Variants in EMB observed in about 807,000 individuals in gnomAD.
The protein encoded by EMB is embigin homolog.
A neutral mutation model predicts 41.4 loss-of-function variants in EMB; 31 were observed. The ratio of observed to expected loss-of-function variants is 0.75; its 90% CI spans 0.56 to 1.01. EMB has a LOEUF of 1.01. Among genes scored for constraint, EMB ranks in the 50% least tolerant of loss-of-function variants. The probability of loss-of-function intolerance (pLI) is 0.00; values close to 1 mark genes in which losing one functional copy is unlikely to be tolerated. For missense variants in EMB, 379 were observed against 388.3 expected (o/e 0.98, Z 0.20); for synonymous variants, 137 against 140.4 (o/e 0.98, Z 0.17).
At chr5:50,441,303 G>A, upstream of EMB, 1 of 417,300 alleles carries the variant, frequency 2.4e-6, no homozygotes, top group Non-Finnish European at 4.1e-6. Flanking sequence ...AATGGGAGGG[G>A]CCCGGCCGCC....
At chr5:50,429,529 G>T (rs1340431903) in intron 1 of EMB, among the ~76,000 whole-genome samples, 2 of 152,040 alleles carry the variant, frequency 1.3e-5, no homozygotes, top group Non-Finnish European at 2.9e-5. Flanking sequence ...AACGTACCTA[G>T]CAGAACCTAA....
chr5:50,427,512 T>A (rs1158372958), intron 2 of EMB, among the ~76,000 whole-genome samples: 17 of 150,318 alleles, frequency 1.1e-4, no homozygotes, highest in Admixed American at 1.1e-3. Context: ...ATTATTATAT[T>A]ATTATTATTA....
Position 50,441,164 on chromosome 5 carries a change from T to A in EMB, c.-13A>T. 1 of 1,444,300 alleles carries A rather than the reference T, an allele frequency of 6.9e-7. No individual in the cohort carries two copies. Among genetic ancestry groups the A allele is most frequent in the Non-Finnish European group, 9.1e-7 (1 of 1,092,902 alleles). The allele number at this position is 1,444,300 out of a possible 1,614,324, so 89.5% of individuals were successfully genotyped here. ...GGAGGGCGCGCATGGCGCCAGAGGGTCCGCCTGGGTCCTCGTGGAGACTGC... is the reference window on the plus strand; with the variant it reads ...GGAGGGCGCGCATGGCGCCAGAGGGACCGCCTGGGTCCTCGTGGAGACTGC... On this transcript the variant is annotated 5_prime_UTR_variant, in exon 1 of 9. Transcript: ENST00000303221.
intron 2 of EMB, among the ~76,000 whole-genome samples, chr5:50,424,026 C>T (rs1645933998): frequency 6.6e-6 from 1 of 152,194 alleles, no homozygotes; most frequent in East Asian, 1.9e-4. Context: ...GTTTTCAGTT[C>T]CAACTCTCCT....
chr5:50,441,162 G>T lies in EMB; in HGVS notation c.-11C>A, dbSNP rs1422497158. 1 of 1,445,918 alleles carries T rather than the reference G, an allele frequency of 6.9e-7. No homozygotes were observed. Among genetic ancestry groups the T allele is most frequent in the South Asian group, 1.3e-5 (1 of 74,880 alleles). The allele number at this position is 1,445,918 out of a possible 1,614,324, so 89.6% of individuals were successfully genotyped here. Reference sequence around the variant, plus strand: ...GGGGAGGGCGCGCATGGCGCCAGAGGGTCCGCCTGGGTCCTCGTGGAGACT... The same window carrying T: ...GGGGAGGGCGCGCATGGCGCCAGAGTGTCCGCCTGGGTCCTCGTGGAGACT... On this transcript the variant is annotated 5_prime_UTR_variant, in exon 1 of 9. Coordinates refer to ENST00000303221, the MANE Select transcript of EMB (RefSeq NM_198449.3).
chr5:50,414,955 T>A (rs373716642), intron 2 of EMB, among the ~76,000 whole-genome samples: 1 of 152,312 alleles, frequency 6.6e-6, no homozygotes, highest in East Asian at 1.9e-4. Flanking sequence ...GATTCAACTA[T>A]TAACTCTAAT....
chr5:50,416,473 C>T (rs1158398394), intron 2 of EMB, among the ~76,000 whole-genome samples: 1 of 152,108 alleles, frequency 6.6e-6, no homozygotes, highest in Non-Finnish European at 1.5e-5. Flanking sequence ...ATCTTGTAAA[C>T]CATTTCACTA....
upstream of EMB, among the ~76,000 whole-genome samples, chr5:50,442,736 CT>C (rs1745935273): frequency 6.6e-6 from 1 of 152,190 alleles, no homozygotes; most frequent in African/African-American, 2.4e-5. Flanking sequence ...CATCACACCT[CT>C]TTCTTTCAAC....
In EMB at chr5:50,397,895, T is replaced by G. The variant is rs985168088; in HGVS notation, c.*1378A>C. ...GCAGCTTCCAAGTCACTACCTTATGTGTATTATTCATACTAGTAATATTGG... is the reference window on the plus strand; with the variant it reads ...GCAGCTTCCAAGTCACTACCTTATGGGTATTATTCATACTAGTAATATTGG... On this transcript the variant is annotated 3_prime_UTR_variant, in exon 9 of 9. Transcript: ENST00000303221. 34 of 152,184 alleles carry G rather than the reference T, an allele frequency of 2.2e-4. 1 individual carries two copies. Among genetic ancestry groups the G allele is most frequent in the African/African-American group, 8.2e-4 (34 of 41,546 alleles). 9.4% of individuals were successfully genotyped at this position (152,184 alleles called of 1,614,324 possible).
At position 50,397,239 on chromosome 5, in the gene EMB, C is replaced by A. The variant is rs1461003866; in HGVS notation, c.*2034G>T. 6.6e-6 allele frequency: 1 copy of A among 152,018 alleles called. No homozygotes were observed. The highest frequency in any genetic ancestry group is 1.5e-5 in the Non-Finnish European group (1 of 68,002). The allele number at this position is 152,018 out of a possible 1,614,324, so 9.4% of individuals were successfully genotyped here. A position where few individuals can be genotyped will look rare whatever the true frequency, so the allele number is the denominator to read the frequency against. ...TCTCTGTAAGATTGGTTAATGGAAGCAGATTAAAATCCAACAGTGGTAATT... is the reference window on the plus strand; with the variant it reads ...TCTCTGTAAGATTGGTTAATGGAAGAAGATTAAAATCCAACAGTGGTAATT... On this transcript the variant is annotated 3_prime_UTR_variant, in exon 9 of 9. Coordinates refer to ENST00000303221, the MANE Select transcript of EMB (RefSeq NM_198449.3).
At chr5:50,409,822 T>TAC (rs1199390916) in intron 4 of EMB, among the ~76,000 whole-genome samples, 5 of 152,122 alleles carry the variant, frequency 3.3e-5, no homozygotes, top group Admixed American at 1.3e-4. Flanking sequence ...AGAAAGAATA[T>TAC]ACATGACTAA....
At chr5:50,416,166 T>C (rs1305034556) in intron 2 of EMB, among the ~76,000 whole-genome samples, 7 of 152,218 alleles carry the variant, frequency 4.6e-5, no homozygotes, top group Admixed American at 3.3e-4. Context: ...GCCAACAAAC[T>C]AATGTGAGCT....
At chr5:50,412,057 T>C (rs1172095949) in intron 2 of EMB, 1 of 152,124 alleles carries the variant, frequency 6.6e-6, no homozygotes, top group African/African-American at 2.4e-5. Context: ...TGATTGATTA[T>C]CATAAGAACA....
At chr5:50,412,336 G>A (rs1443218571) in intron 2 of EMB, among the ~76,000 whole-genome samples, 2 of 151,662 alleles carry the variant, frequency 1.3e-5, no homozygotes, top group African/African-American at 2.4e-5. Flanking sequence ...TGAGCAGAAG[G>A]CATTTGAGTT....
upstream of EMB, among the ~76,000 whole-genome samples, chr5:50,442,402 A>C (rs1745929251): frequency 6.6e-6 from 1 of 152,208 alleles, no homozygotes. Flanking sequence ...GCAGTGAGAT[A>C]ATATGAATAA....
chr5:50,428,867 C>A (rs1432205241), intron 1 of EMB: 1 of 288,074 alleles, frequency 3.5e-6, no homozygotes, highest in Non-Finnish European at 5.2e-6. Flanking sequence ...TTCGAAGTTA[C>A]TTTATTTATT....
At chr5:50,428,253 CACACTCTTATCAAGAGTAA>C in intron 1 of EMB, 26 bp from the exon 2 acceptor site, 1 of 1,518,864 alleles carries the variant, frequency 6.6e-7, no homozygotes, top group East Asian at 2.3e-5. Context: ...CACATGATTA[CACACTCTTATCAAGAGTAA>C]ATGACTATCT....
At chr5:50,421,031 C>T (rs1270821877) in intron 2 of EMB, among the ~76,000 whole-genome samples, 3 of 152,112 alleles carry the variant, frequency 2.0e-5, no homozygotes, top group Admixed American at 6.6e-5. Flanking sequence ...GGACATATAA[C>T]TCAAACACAA....
upstream of EMB, among the ~76,000 whole-genome samples, chr5:50,442,326 C>T (rs1221565426): frequency 1.3e-5 from 2 of 152,110 alleles, no homozygotes; most frequent in African/African-American, 4.8e-5. Context: ...TACTAAAACA[C>T]GTCTGTTTCT....
Sources: allele counts gnomAD v4.1 joint callset (sites outside exome capture counted in the v4.1 genomes callset), GRCh38; gene constraint gnomAD v4.1.1; transcripts MANE v1.5; gene names NCBI Gene and HGNC (gene_info 2026-07-23, HGNC 2026-07-21).